Variants in RBP5 observed in about 807,000 individuals in gnomAD.
The protein encoded by RBP5 is retinol binding protein 5.
RBP5 carries 12 observed loss-of-function variants against 17.8 expected under a neutral mutation model. That is an observed-to-expected ratio of 0.67 (90% CI 0.43 to 1.09). The LOEUF (loss-of-function observed/expected upper bound fraction) is 1.09. Among genes scored for constraint, RBP5 ranks in the 50% least tolerant of loss-of-function variants. RBP5 has a pLI of 0.00. For synonymous variants in RBP5, 64 were observed against 68.1 expected, an observed-to-expected ratio of 0.94 and a Z score of 0.30; for missense variants, 172 against 169.4, an observed-to-expected ratio of 1.02 and a Z score of -0.09.
upstream of RBP5, chr12:7,129,941 A>G: frequency 2.6e-6 from 1 of 390,096 alleles, no homozygotes; most frequent in Non-Finnish European, 3.5e-6. The surrounding 1 kb of genome is among the most constrained non-coding windows in gnomAD (Gnocchi z 5.5). Flanking sequence ...AAATGCCAGG[A>G]TTTCTCAGGC....
chr12:7,127,850 G>A, intron 2 of RBP5: 1 of 625,312 alleles, frequency 1.6e-6, no homozygotes, highest in Non-Finnish European at 2.9e-6. Context: ...ACTAGGATCT[G>A]CAAAGGAGGC....
chr12:7,116,824 G>T (rs745564926), exon 4 of RBP5: 12 of 151,902 alleles, frequency 7.9e-5, no homozygotes, highest in African/African-American at 2.7e-4. Context: ...CCCACTTAGC[G>T]AATATTGAGG....
downstream of RBP5, chr12:7,120,578 C>A (rs766969342): frequency 1.3e-5 from 2 of 155,760 alleles, no homozygotes. Context: ...AAGGTCTCCC[C>A]GATTCTCATC....
At chr12:7,127,892 T>C (rs1417341335) in intron 2 of RBP5, among the ~76,000 whole-genome samples, 1 of 152,204 alleles carries the variant, frequency 6.6e-6, no homozygotes, top group East Asian at 1.9e-4. Context: ...TAGAAAGAAA[T>C]GCAGGAGAGT....
chr12:7,128,399 C>T lies in RBP5; in HGVS notation c.93G>A (p.Arg31=). Residue 31 remains arginine, a synonymous_variant, in exon 2 of 4, where the codon CGG becomes CGA. Transcript: ENST00000266560. This position sits in a 1 kb window ranked among gnomAD's most constrained non-coding sequence, Gnocchi z 5.3. ...CCGGCTTCAGCAGCAGCGCGATCTT[C>T]CGCACAGCCAAGCTGATGTCTGTGG... ...LQALNISLAV[R]KIALLLKPDK... is the part of the protein sequence containing the mutation. 1 of 1,614,174 alleles carries T rather than the reference C, an allele frequency of 6.2e-7. No homozygotes were observed.
At chr12:7,127,410 G>GTC (rs1164902813) in intron 2 of RBP5, 2 of 410,828 alleles carry the variant, frequency 4.9e-6, no homozygotes, top group African/African-American at 4.0e-5. Flanking sequence ...GATTATGGGT[G>GTC]TGAGCCACCA....
At chr12:7,129,705 T>C (rs1939241605), upstream of RBP5, 1 of 985,498 alleles carries the variant, frequency 1.0e-6, no homozygotes, top group African/African-American at 1.7e-5. This position sits in a 1 kb window ranked among gnomAD's most constrained non-coding sequence, Gnocchi z 5.5. Flanking sequence ...CCCAATTCTC[T>C]CTCGAACCTG....
rs972903453 is a variant in RBP5 at position 7,124,902 on chromosome 12, C to A, written c.253-172G>T. 9.2e-5 allele frequency among the ~76,000 whole-genome samples: 14 copies of A among 152,098 alleles called. No individual in the cohort carries two copies. The highest frequency in any genetic ancestry group is 5.9e-4 in the Admixed American group (9 of 15,266). ...TCAGCAGGACTCCCTTTCCACCCTA[C>A]TCTTTGTTTTTTGTGTTTTTTTGAG... On this transcript the variant is annotated intron_variant, in intron 2 of 3. Coordinates refer to ENST00000266560, the MANE Select transcript of RBP5 (RefSeq NM_031491.4). The surrounding 1 kb of genome is among the most constrained non-coding windows in gnomAD (Gnocchi z 5.3).
At chr12:7,129,675 T>C (rs1939241021), upstream of RBP5, 14 of 985,390 alleles carry the variant, frequency 1.4e-5, no homozygotes, top group Non-Finnish European at 1.7e-5. This position sits in a 1 kb window ranked among gnomAD's most constrained non-coding sequence, Gnocchi z 5.5. Context: ...CTAAATAATA[T>C]TGTGCCCCGC....
At chr12:7,118,815 T>C (rs1939040076), downstream of RBP5, 1 of 151,950 alleles carries the variant, frequency 6.6e-6, no homozygotes, top group African/African-American at 2.4e-5. Flanking sequence ...TATACTCAAA[T>C]TGGAAGGATA....
Position 7,128,552 on chromosome 12 carries a change from G to T in RBP5, c.74-134C>A. On this transcript the variant is annotated intron_variant, in intron 1 of 3. Coordinates refer to ENST00000266560, the MANE Select transcript of RBP5 (RefSeq NM_031491.4). The surrounding 1 kb of genome is among the most constrained non-coding windows in gnomAD (Gnocchi z 5.3). Reference sequence around the variant, plus strand: ...GATTCACCCCCTCCTACCAATGCCTGGTTAGAAATGGATCCCAGGTCTGGT... The same window carrying T: ...GATTCACCCCCTCCTACCAATGCCTTGTTAGAAATGGATCCCAGGTCTGGT... 1 of 1,181,678 alleles carries T rather than the reference G, an allele frequency of 8.5e-7. No homozygotes were observed. The highest frequency in any genetic ancestry group is 1.2e-6 in the Non-Finnish European group (1 of 816,116). 73.2% of individuals were successfully genotyped at this position (1,181,678 alleles called of 1,614,324 possible). A position where few individuals can be genotyped will look rare whatever the true frequency, so the allele number is the denominator to read the frequency against.
chr12:7,126,049 C>T (rs1271237543), intron 2 of RBP5, among the ~76,000 whole-genome samples: 1 of 137,400 alleles, frequency 7.3e-6, no homozygotes, highest in Non-Finnish European at 1.5e-5. Context: ...CTGGGCAACA[C>T]AGTGAGACCC....
chr12:7,124,998 C>T lies in RBP5; in HGVS notation c.253-268G>A, dbSNP rs1437467581. ...CTCGGCTCACTGCAACCTCTGCCTCCTGGGTTCAAGTGAATCTCATGCCTC... is the reference window on the plus strand; with the variant it reads ...CTCGGCTCACTGCAACCTCTGCCTCTTGGGTTCAAGTGAATCTCATGCCTC... On this transcript the variant is annotated intron_variant, in intron 2 of 3. Coordinates refer to ENST00000266560, the MANE Select transcript of RBP5 (RefSeq NM_031491.4). This position sits in a 1 kb window ranked among gnomAD's most constrained non-coding sequence, Gnocchi z 5.3. Among the ~76,000 whole-genome samples the T allele has an allele frequency of 6.6e-6, 1 of 152,156 alleles. No homozygotes were observed. The highest frequency in any genetic ancestry group is 1.5e-5 in the Non-Finnish European group (1 of 68,030).
rs746020334 is a variant in RBP5 at position 7,128,354 on chromosome 12, C to T, written c.138G>A (p.Gln46=). Residue 46 remains glutamine, a synonymous_variant, in exon 2 of 4, where the codon CAG becomes CAA. Transcript: ENST00000266560. The surrounding 1 kb of genome is among the most constrained non-coding windows in gnomAD (Gnocchi z 5.3). ...LLKPDKEIEH[Q]GNHMTVRTLS... ...GCGTCCTCACCGTCATGTGGTTGCC[C>T]TGGTGTTCGATCTCCTTGTCCGGCT... 1 of 1,614,200 alleles carries T rather than the reference C, an allele frequency of 6.2e-7. No individual in the cohort carries two copies. The highest frequency in any genetic ancestry group is 1.7e-5 in the Admixed American group (1 of 60,030).
chr12:7,128,886 AT>A lies in RBP5; in HGVS notation c.-112del. On this transcript the variant is annotated 5_prime_UTR_variant, in exon 1 of 4. Transcript: ENST00000266560. The surrounding 1 kb of genome is among the most constrained non-coding windows in gnomAD (Gnocchi z 5.3). ...AGCCAGCTCCACACACAGAGACAGG[AT>A]GTGTAATGGCCGGGTTACCAGGGCT... The A allele has an allele frequency of 1.2e-6, 1 of 867,388 alleles. No homozygotes were observed. Among genetic ancestry groups the A allele is most frequent in the South Asian group, 1.4e-5 (1 of 69,742 alleles). The allele number at this position is 867,388 out of a possible 1,614,324, so 53.7% of individuals were successfully genotyped here.
Position 7,124,649 on chromosome 12 carries a change from C to T in RBP5, c.334G>A (p.Glu112Lys). ...TTTACCAGATACAGCATCTCTCCCTCCAGCCAGTGTCTCCAGCCCCGGTTG... is the reference window on the plus strand; with the variant it reads ...TTTACCAGATACAGCATCTCTCCCTTCAGCCAGTGTCTCCAGCCCCGGTTG... ...VPNRGWRHWL[E>K]GEMLYLELTA... Residue 112 changes from glutamate (E) to lysine (K), a missense_variant, in exon 3 of 4, where the codon GAG (glutamate) becomes AAG (lysine). Physicochemically the swap from Glu to Lys is moderately conservative, Grantham distance 56. Coordinates refer to ENST00000266560, the MANE Select transcript of RBP5 (RefSeq NM_031491.4). This position sits in a 1 kb window ranked among gnomAD's most constrained non-coding sequence, Gnocchi z 5.3. 6.2e-7 allele frequency: 1 copy of T among 1,600,602 alleles called. No homozygotes were observed. Among genetic ancestry groups the T allele is most frequent in the Non-Finnish European group, 8.6e-7 (1 of 1,167,770 alleles).
rs1209844763 is a variant in RBP5, at chr12:7,124,440, CA to C, written c.354+188del. Among the ~76,000 whole-genome samples, 7 of 152,160 alleles carry C rather than the reference CA, an allele frequency of 4.6e-5. No individual in the cohort carries two copies. The highest frequency in any genetic ancestry group is 1.7e-4 in the African/African-American group (7 of 41,432). On this transcript the variant is annotated intron_variant, in intron 3 of 3. Coordinates refer to ENST00000266560, the MANE Select transcript of RBP5 (RefSeq NM_031491.4). The surrounding 1 kb of genome is among the most constrained non-coding windows in gnomAD (Gnocchi z 5.3). ...ATTCATCCGACTCGTAGCCAGGGCC[CA>C]CCTTGGCCACTCTGTTTCTTCCTCT...
At chr12:7,125,086 T>C (rs1189929087) in intron 2 of RBP5, among the ~76,000 whole-genome samples, 1 of 152,182 alleles carries the variant, frequency 6.6e-6, no homozygotes, top group Non-Finnish European at 1.5e-5. Context: ...TTTGTATTTT[T>C]AGTAGAGACA....
chr12:7,117,414 C>T lies in RBP5; in HGVS notation n.890-107G>A, dbSNP rs1565642673. On this transcript the variant is annotated intron_variant and non_coding_transcript_variant, in intron 3 of 3. Transcript: ENST00000619522. The surrounding 1 kb of genome is among the most constrained non-coding windows in gnomAD (Gnocchi z 4.9). ...TAGAAGTAGATGTATTATTTTAGTACAATAAGTGCAGACGATCAGCTAGCA... is the reference window on the plus strand; with the variant it reads ...TAGAAGTAGATGTATTATTTTAGTATAATAAGTGCAGACGATCAGCTAGCA... 3.9e-5 allele frequency: 6 copies of T among 152,124 alleles called. No individual in the cohort carries two copies. The highest frequency in any genetic ancestry group is 2.0e-4 in the Admixed American group (3 of 15,276). The allele number at this position is 152,124 out of a possible 1,614,324, so 9.4% of individuals were successfully genotyped here.
Sources: allele counts gnomAD v4.1 joint callset (sites outside exome capture counted in the v4.1 genomes callset), GRCh38; gene constraint gnomAD v4.1.1; non-coding constraint Gnocchi (gnomAD v3.1); transcripts MANE v1.5; gene names NCBI Gene and HGNC (gene_info 2026-07-23, HGNC 2026-07-21).